BTBD9: variants seen among roughly 807,000 people sequenced by gnomAD.
BTBD9 encodes BTB domain containing 9.
In BTBD9, 49 loss-of-function variants were observed where a neutral mutation model predicts 64.3. That is an observed-to-expected ratio of 0.76 (90% CI 0.61 to 0.97). The LOEUF is 0.97. Ranked by LOEUF, BTBD9 falls within the 50% of genes least tolerant of loss-of-function variation. BTBD9 has a pLI of 0.00. For synonymous variants in BTBD9, 260 were observed against 274.7 expected, an observed-to-expected ratio of 0.95 and a Z score of 0.53; for missense variants, 598 against 762.1, an observed-to-expected ratio of 0.78 and a Z score of 2.53.
intron 7 of BTBD9, among the ~76,000 whole-genome samples, chr6:38,320,428 A>G (rs1763189702): frequency 6.6e-6 from 1 of 152,174 alleles, no homozygotes; most frequent in Admixed American, 6.5e-5. Flanking sequence ...GGAATATCTT[A>G]TTTCTGCATT....
intron 6 of BTBD9, among the ~76,000 whole-genome samples, chr6:38,408,555 C>G (rs961898310): frequency 2.0e-5 from 3 of 152,172 alleles, no homozygotes; most frequent in Non-Finnish European, 4.4e-5. Flanking sequence ...CACATTGACA[C>G]CTTAGCCTTA....
At chr6:38,575,437 G>A (rs1338909790) in intron 6 of BTBD9, among the ~76,000 whole-genome samples, 1 of 152,124 alleles carries the variant, frequency 6.6e-6, no homozygotes, top group Non-Finnish European at 1.5e-5. Context: ...ACATACAAAC[G>A]TGCAAATTAA....
At chr6:38,257,558 T>C (rs1390274311) in intron 8 of BTBD9, among the ~76,000 whole-genome samples, 1 of 131,896 alleles carries the variant, frequency 7.6e-6, no homozygotes, top group African/African-American at 2.6e-5. Flanking sequence ...ATTATCGTGT[T>C]TTAGTTTCCT....
intron 6 of BTBD9, among the ~76,000 whole-genome samples, chr6:38,374,284 T>TATATATATATAC (rs1562095081): frequency 2.2e-4 from 13 of 58,176 alleles, no homozygotes; most frequent in Non-Finnish European, 2.8e-4. Context: ...AAAAAAAAAG[T>TATATATATATAC]ATATATATAT....
At chr6:38,441,823 A>G (rs899863028) in intron 6 of BTBD9, among the ~76,000 whole-genome samples, 2 of 152,144 alleles carry the variant, frequency 1.3e-5, no homozygotes, top group East Asian at 1.9e-4. Flanking sequence ...TATTCCTGAC[A>G]ACAACCTATG....
At chr6:38,404,124 T>G (rs1285005692) in intron 6 of BTBD9, among the ~76,000 whole-genome samples, 2 of 152,202 alleles carry the variant, frequency 1.3e-5, no homozygotes, top group Non-Finnish European at 2.9e-5. Flanking sequence ...AGTTTCTTTT[T>G]AGGGTGATAA....
Position 38,502,671 on chromosome 6 carries a change from C to A in BTBD9, c.1154+74929G>T, listed in dbSNP as rs370862001. Among the ~76,000 whole-genome samples the A allele has an allele frequency of 2.6e-5, 4 of 152,280 alleles. 1 individual carries two copies. The highest frequency in any genetic ancestry group is 9.6e-5 in the African/African-American group (4 of 41,568). On this transcript the variant is annotated intron_variant, in intron 6 of 10. Transcript: ENST00000481247. ...GCGCAGGTCTTACTCTTGCGTAACA[C>A]AGAAATAGGATGGCTTATCATTAAT...
intron 6 of BTBD9, among the ~76,000 whole-genome samples, chr6:38,534,885 G>T (rs2748163): frequency 6.6e-6 from 1 of 152,134 alleles, no homozygotes; most frequent in Non-Finnish European, 1.5e-5. Flanking sequence ...TAATAAAAGC[G>T]ATATAAGGCA....
intron 6 of BTBD9, among the ~76,000 whole-genome samples, chr6:38,563,110 ACTTCT>A: frequency 6.6e-6 from 1 of 152,132 alleles, no homozygotes; most frequent in Admixed American, 6.5e-5. Flanking sequence ...TCATTTTACA[ACTTCT>A]CTTCTACCTG....
At chr6:38,196,453 T>C (rs1035722003) in intron 9 of BTBD9, among the ~76,000 whole-genome samples, 7 of 152,216 alleles carry the variant, frequency 4.6e-5, no homozygotes, top group African/African-American at 1.7e-4. Flanking sequence ...CTGGGCCTCA[T>C]CTGTGAGCTG....
chr6:38,475,941 C>T (rs1031047270), intron 6 of BTBD9, among the ~76,000 whole-genome samples: 2 of 152,082 alleles, frequency 1.3e-5, no homozygotes, highest in African/African-American at 4.8e-5. Flanking sequence ...GTCTTATTCC[C>T]AGTCTGTTCT....
In BTBD9 at chr6:38,328,403, G is replaced by C. The variant is rs772147837; in HGVS notation, c.1264+16581C>G. Among the ~76,000 whole-genome samples the C allele has an allele frequency of 2.6e-4, 39 of 152,160 alleles. 1 individual carries two copies. The highest frequency in any genetic ancestry group is 3.5e-4 in the Non-Finnish European group (24 of 68,044). The stretch of plus-strand genomic sequence containing the variant: ...AGGAAGAAACACCACAGGCCACTCA[G>C]ACAGAGGAAGGGCTATGTGAGGGTA... On this transcript the variant is annotated intron_variant, in intron 7 of 10. Transcript: ENST00000481247.
intron 6 of BTBD9, among the ~76,000 whole-genome samples, chr6:38,563,001 A>G (rs1194699068): frequency 6.6e-6 from 1 of 152,096 alleles, no homozygotes; most frequent in African/African-American, 2.4e-5. Context: ...GACACTTCCC[A>G]TTCCTCATCT....
chr6:38,436,140 G>A (rs963316823), intron 6 of BTBD9, among the ~76,000 whole-genome samples: 1 of 151,876 alleles, frequency 6.6e-6, no homozygotes, highest in African/African-American at 2.4e-5. Context: ...TAAATAGAAA[G>A]TACCATTTCA....
intron 7 of BTBD9, among the ~76,000 whole-genome samples, chr6:38,329,132 G>A (rs2127580554): frequency 1.3e-5 from 2 of 151,930 alleles, no homozygotes; most frequent in South Asian, 4.2e-4. Flanking sequence ...ATTTTGATGT[G>A]TGAGTGTGCC....
intron 10 of BTBD9, among the ~76,000 whole-genome samples, chr6:38,183,132 A>G (rs1314471801): frequency 6.6e-6 from 1 of 151,930 alleles, no homozygotes; most frequent in Non-Finnish European, 1.5e-5. Context: ...GGCGCCCGCC[A>G]CCACACCTGG....
At chr6:38,588,516 C>A in intron 4 of BTBD9, 1 of 837,618 alleles carries the variant, frequency 1.2e-6, no homozygotes, top group Non-Finnish European at 1.8e-6. Flanking sequence ...AAACCTGGAC[C>A]TGGTTATCGA....
intron 9 of BTBD9, among the ~76,000 whole-genome samples, chr6:38,213,434 G>A (rs897604834): frequency 1.3e-5 from 2 of 152,080 alleles, no homozygotes; most frequent in South Asian, 2.1e-4. Flanking sequence ...AGCACAGAGC[G>A]GCCCAAGATT....
intron 6 of BTBD9, among the ~76,000 whole-genome samples, chr6:38,575,780 T>G (rs1259955449): frequency 1.3e-5 from 2 of 152,162 alleles, no homozygotes; most frequent in Admixed American, 1.3e-4. Flanking sequence ...AACATCACTG[T>G]TGCTCATTTT....
Sources: gnomAD v4.1 joint callset for allele counts (sites outside exome capture counted in the v4.1 genomes callset) on GRCh38, gnomAD v4.1.1 for gene constraint, MANE v1.5 for transcripts, NCBI Gene and HGNC (gene_info 2026-07-23, HGNC 2026-07-21) for gene names.